CADPS2: variants seen among roughly 807,000 people sequenced by gnomAD.
CADPS2 encodes the protein calcium dependent secretion activator 2.
CADPS2 carries 93 observed loss-of-function variants against 172.5 expected under a neutral mutation model. That is an observed-to-expected ratio of 0.54 (90% CI 0.46 to 0.64). The LOEUF (loss-of-function observed/expected upper bound fraction) is 0.64. Among genes scored for constraint, CADPS2 ranks in the 30% least tolerant of loss-of-function variants. The pLI is 0.00. For synonymous variants in CADPS2, 546 were observed against 555.2 expected (o/e 0.98, Z 0.23); for missense variants, 1,420 against 1,565.9 (o/e 0.91, Z 1.57).
intron 7 of CADPS2, among the ~76,000 whole-genome samples, chr7:122,560,371 T>G (rs2065596863): frequency 1.3e-5 from 2 of 152,200 alleles, no homozygotes; most frequent in Admixed American, 6.6e-5. Context: ...TTATCCTATA[T>G]AGGTAACATT....
intron 1 of CADPS2, among the ~76,000 whole-genome samples, chr7:122,840,958 GAAC>G (rs1248778977): frequency 1.3e-5 from 2 of 151,916 alleles, no homozygotes; most frequent in Admixed American, 1.3e-4. Context: ...AAGCCCATAA[GAAC>G]AACAAAAGTT....
intron 1 of CADPS2, among the ~76,000 whole-genome samples, chr7:122,796,536 C>G (rs375562105): frequency 2.6e-5 from 4 of 151,916 alleles, no homozygotes; most frequent in African/African-American, 9.7e-5. Context: ...AATGGAACAG[C>G]ATACAGAGCC....
intron 8 of CADPS2, among the ~76,000 whole-genome samples, chr7:122,532,215 T>G (rs1445837959): frequency 6.6e-6 from 1 of 152,050 alleles, no homozygotes; most frequent in South Asian, 2.1e-4. Flanking sequence ...GAGGAGGAGA[T>G]AAAAATGACC....
intron 18 of CADPS2, among the ~76,000 whole-genome samples, chr7:122,415,815 T>C (rs1297488314): frequency 1.3e-5 from 2 of 152,186 alleles, no homozygotes; most frequent in Non-Finnish European, 2.9e-5. Context: ...AACATGAAAT[T>C]ATACACACAC....
chr7:122,457,890 G>A (rs760753257), intron 14 of CADPS2, among the ~76,000 whole-genome samples: 1 of 152,128 alleles, frequency 6.6e-6, no homozygotes, highest in Non-Finnish European at 1.5e-5. Flanking sequence ...AGACACCAGG[G>A]TTAACACTGT....
chr7:122,796,506 T>C (rs1033201847), intron 1 of CADPS2, among the ~76,000 whole-genome samples: 4 of 151,988 alleles, frequency 2.6e-5, no homozygotes, highest in South Asian at 2.1e-4. Context: ...GGTGCTGGTA[T>C]AAAAACAGAT....
At chr7:122,772,195 C>T (rs966518638) in intron 1 of CADPS2, among the ~76,000 whole-genome samples, 1 of 152,180 alleles carries the variant, frequency 6.6e-6, no homozygotes, top group Non-Finnish European at 1.5e-5. Flanking sequence ...AAAACATCCA[C>T]ATTTGGTGAT....
At chr7:122,808,360 T>C (rs1799272395) in intron 1 of CADPS2, among the ~76,000 whole-genome samples, 1 of 152,224 alleles carries the variant, frequency 6.6e-6, no homozygotes, top group Admixed American at 6.5e-5. Flanking sequence ...TTTTGCAATA[T>C]CAAAGTATAG....
intron 1 of CADPS2, among the ~76,000 whole-genome samples, chr7:122,801,166 C>T (rs1182588844): frequency 6.6e-6 from 1 of 151,896 alleles, no homozygotes; most frequent in Non-Finnish European, 1.5e-5. Context: ...AAAATATGTA[C>T]ATATAGGGAG....
chr7:122,736,683 G>C (rs1175846765), intron 2 of CADPS2, among the ~76,000 whole-genome samples: 2 of 152,160 alleles, frequency 1.3e-5, no homozygotes, highest in Non-Finnish European at 2.9e-5. Context: ...GCTATAGTCA[G>C]CTGTATCAAT....
intron 3 of CADPS2, among the ~76,000 whole-genome samples, chr7:122,637,208 T>TTTTTTTTTTCTCTC (rs778963218): frequency 1.6e-5 from 1 of 62,664 alleles, no homozygotes; most frequent in African/African-American, 6.2e-5. Flanking sequence ...TTTTTTTTTT[T>TTTTTTTTTTCTCTC]CCTGAGACAG....
intron 6 of CADPS2, among the ~76,000 whole-genome samples, chr7:122,587,310 C>A (rs1156383321): frequency 3.9e-5 from 6 of 152,032 alleles, no homozygotes; most frequent in Non-Finnish European, 8.8e-5. Context: ...GTTCCCCTCC[C>A]TACGTCCATG....
chr7:122,374,473 C>T (rs12532046), intron 25 of CADPS2, among the ~76,000 whole-genome samples: 6,023 of 151,686 alleles, frequency 0.04, 385 homozygotes, highest in African/African-American at 0.14. Flanking sequence ...ACAAGGCATG[C>T]AAATCAGGAA....
At chr7:122,838,595 T>G (rs1199713693) in intron 1 of CADPS2, among the ~76,000 whole-genome samples, 1 of 152,182 alleles carries the variant, frequency 6.6e-6, no homozygotes, top group East Asian at 1.9e-4. Context: ...GGATACAAAA[T>G]CAATGTGCAA....
intron 1 of CADPS2, among the ~76,000 whole-genome samples, chr7:122,812,368 C>A (rs1438470578): frequency 2.0e-5 from 3 of 148,366 alleles, no homozygotes; most frequent in South Asian, 4.3e-4. Flanking sequence ...ATTTAAATGT[C>A]TTTTTAAGGT....
At chr7:122,873,482 C>T (rs946595654) in intron 1 of CADPS2, among the ~76,000 whole-genome samples, 4 of 152,110 alleles carry the variant, frequency 2.6e-5, no homozygotes, top group African/African-American at 9.7e-5. Context: ...CATCCATGCC[C>T]CTGCAAAGGA....
intron 8 of CADPS2, among the ~76,000 whole-genome samples, chr7:122,527,999 T>C (rs184208304): frequency 1.8e-3 from 270 of 152,140 alleles, no homozygotes; most frequent in African/African-American, 5.9e-3. Flanking sequence ...AAAACAAGAA[T>C]AGCAATATTA....
At chr7:122,425,006 G>T (rs1053871059) in intron 17 of CADPS2, among the ~76,000 whole-genome samples, 1 of 151,998 alleles carries the variant, frequency 6.6e-6, no homozygotes, top group East Asian at 1.9e-4. Flanking sequence ...TTTGGACAGG[G>T]TCTTGCTCTG....
intron 17 of CADPS2, chr7:122,422,046 C>A (rs2048586509): frequency 6.6e-6 from 1 of 152,116 alleles, no homozygotes; most frequent in South Asian, 2.1e-4. Context: ...TCCTGACGTT[C>A]AGGAGATGGC....
Sources: allele counts gnomAD v4.1 joint callset (sites outside exome capture counted in the v4.1 genomes callset), GRCh38; gene constraint gnomAD v4.1.1; transcripts MANE v1.5; gene names NCBI Gene and HGNC (gene_info 2026-07-23, HGNC 2026-07-21).